Variants in STAT1 observed in about 807,000 individuals in gnomAD.
The protein encoded by STAT1 is signal transducer and activator of transcription 1.
In STAT1, 24 loss-of-function variants were observed where a neutral mutation model predicts 111.7. That is an observed-to-expected ratio of 0.21 (90% CI 0.16 to 0.30). The LOEUF (loss-of-function observed/expected upper bound fraction) is 0.30. STAT1 is among the 10% of genes least tolerant of loss of function. STAT1 has a pLI of 1.00. For missense variants in STAT1, 351 were observed against 911.9 expected (o/e 0.38, Z 7.92); for synonymous variants, 332 against 326.5 (o/e 1.02, Z -0.18).
At chr2:190,988,685 C>G (rs1322202935) in intron 12 of STAT1, among the ~76,000 whole-genome samples, 1 of 152,104 alleles carries the variant, frequency 6.6e-6, no homozygotes, top group Non-Finnish European at 1.5e-5. Flanking sequence ...GGCCTAGCCA[C>G]TAAGTTTTGG....
Position 190,975,073 on chromosome 2 carries a change from A to C in STAT1, c.2136-141T>G. On this transcript the variant is annotated intron_variant, in intron 23 of 24. Transcript: ENST00000361099. The surrounding 1 kb of genome is among the most constrained non-coding windows in gnomAD (Gnocchi z 5.9). ...TTGGGTAAGTGCATACACTTGTAAA[A>C]TACATTTGCAAAAGTACAGCTCATG... 1.3e-6 allele frequency: 1 copy of C among 767,490 alleles called. No individual in the cohort carries two copies. The highest frequency in any genetic ancestry group is 1.7e-5 in the African/African-American group (1 of 57,966). 47.5% of individuals were successfully genotyped at this position (767,490 alleles called of 1,614,324 possible).
Position 190,986,553 on chromosome 2 carries a change from G to C in STAT1, c.1221+301C>G, listed in dbSNP as rs1285630752. Among the ~76,000 whole-genome samples, 1 of 152,228 alleles carries C rather than the reference G, an allele frequency of 6.6e-6. No individual in the cohort carries two copies. The highest frequency in any genetic ancestry group is 1.5e-5 in the Non-Finnish European group (1 of 68,032). Reference sequence around the variant, plus strand: ...GCCATAACCTTTGAGAAAACTGCAAGCGTAGGTGAGTGACCGTGGGGATCA... The same window carrying C: ...GCCATAACCTTTGAGAAAACTGCAACCGTAGGTGAGTGACCGTGGGGATCA... On this transcript the variant is annotated intron_variant, in intron 14 of 24. Transcript: ENST00000361099. The surrounding 1 kb of genome is among the most constrained non-coding windows in gnomAD (Gnocchi z 5.0).
rs1028846600 is a variant in STAT1 at position 191,000,321 on chromosome 2, T to C, written c.463-617A>G. On this transcript the variant is annotated intron_variant, in intron 6 of 24. Transcript: ENST00000361099. This position sits in a 1 kb window ranked among gnomAD's most constrained non-coding sequence, Gnocchi z 4.8. ...TGGGCTCACTCGGTTTCTACTTTAA[T>C]GAAATGTTTCCCTAGGAGACCGCAA... 1.3e-5 allele frequency among the ~76,000 whole-genome samples: 2 copies of C among 152,224 alleles called. No homozygotes were observed. Among genetic ancestry groups the C allele is most frequent in the Non-Finnish European group, 2.9e-5 (2 of 68,044 alleles).
At position 190,978,693 on chromosome 2, in the gene STAT1, T is replaced by C. The variant is rs1204324294; in HGVS notation, c.1873+163A>G. ...AGAGAGTGAACCACAACCACAAACA[T>C]TTGTGGTGGTTTATTAAATCCTATC... On this transcript the variant is annotated intron_variant, in intron 21 of 24. Coordinates refer to ENST00000361099, the MANE Select transcript of STAT1 (RefSeq NM_007315.4). This position sits in a 1 kb window ranked among gnomAD's most constrained non-coding sequence, Gnocchi z 6.1. 1.2e-6 allele frequency: 1 copy of C among 852,464 alleles called. No homozygotes were observed. Among genetic ancestry groups the C allele is most frequent in the Admixed American group, 2.1e-5 (1 of 48,702 alleles). 52.8% of individuals were successfully genotyped at this position (852,464 alleles called of 1,614,324 possible).
chr2:190,976,690 T>C lies in STAT1; in HGVS notation c.2059+150A>G, dbSNP rs1691929707. 1 of 692,698 alleles carries C rather than the reference T, an allele frequency of 1.4e-6. No individual in the cohort carries two copies. The allele number at this position is 692,698 out of a possible 1,614,324, so 42.9% of individuals were successfully genotyped here. A position where few individuals can be genotyped will look rare whatever the true frequency, so the allele number is the denominator to read the frequency against. ...CTGTATCAGGCCAAATAATGCATTATGTTTCACCTGCACTGAGTTTATGCC... is the reference window on the plus strand; with the variant it reads ...CTGTATCAGGCCAAATAATGCATTACGTTTCACCTGCACTGAGTTTATGCC... On this transcript the variant is annotated intron_variant, in intron 22 of 24. Coordinates refer to ENST00000361099, the MANE Select transcript of STAT1 (RefSeq NM_007315.4). This position sits in a 1 kb window ranked among gnomAD's most constrained non-coding sequence, Gnocchi z 6.0.
Position 190,993,419 on chromosome 2 carries a change from A to AT in STAT1, c.944+1641dup. ...TTTCCCGTCTAACTCTATAGTTCTT[A>AT]TTTTGAAATCCATACCAATTGTGCT... On this transcript the variant is annotated intron_variant, in intron 10 of 24. Coordinates refer to ENST00000361099, the MANE Select transcript of STAT1 (RefSeq NM_007315.4). This position sits in a 1 kb window ranked among gnomAD's most constrained non-coding sequence, Gnocchi z 4.1. The AT allele has an allele frequency of 2.1e-6, 3 of 1,399,788 alleles. No individual in the cohort carries two copies. The East Asian group carries it at 7.1e-5, about 33-fold the overall frequency. 86.7% of individuals were successfully genotyped at this position (1,399,788 alleles called of 1,614,324 possible).
At chr2:191,002,410 G>C (rs969517181) in intron 5 of STAT1, among the ~76,000 whole-genome samples, 5 of 152,094 alleles carry the variant, frequency 3.3e-5, no homozygotes, top group African/African-American at 1.2e-4. Context: ...AAGGATGTTT[G>C]ACTATAGAGG....
Position 191,007,459 on chromosome 2 carries a change from T to TA in STAT1, c.372+103dup, listed in dbSNP as rs1694792793. ...CTCCCACTTCTTGGGGCTATAAAAT[T>TA]AGAGAGATATTCATCATTGCTTTGA... On this transcript the variant is annotated intron_variant, in intron 5 of 24. Transcript: ENST00000361099. This position sits in a 1 kb window ranked among gnomAD's most constrained non-coding sequence, Gnocchi z 4.2. 2.3e-6 allele frequency: 2 copies of TA among 852,446 alleles called. No individual in the cohort carries two copies. Among genetic ancestry groups the TA allele is most frequent in the Non-Finnish European group, 3.8e-6 (2 of 522,732 alleles). 52.8% of individuals were successfully genotyped at this position (852,446 alleles called of 1,614,324 possible). A position where few individuals can be genotyped will look rare whatever the true frequency, so the allele number is the denominator to read the frequency against.
chr2:190,995,504 C>T lies in STAT1; in HGVS notation c.786-285G>A, dbSNP rs41348952. 0.087 allele frequency among the ~76,000 whole-genome samples: 13,299 copies of T among 152,170 alleles called. 731 individuals carry two copies. Among genetic ancestry groups the T allele is most frequent in the East Asian group, 0.16 (814 of 5,156 alleles). ...TCCCACTTATAAAACCATCAGATCT[C>T]GTGAGACTTACTCACTACCATGAGA... On this transcript the variant is annotated intron_variant, in intron 9 of 24. Transcript: ENST00000361099. This position sits in a 1 kb window ranked among gnomAD's most constrained non-coding sequence, Gnocchi z 4.2.
rs953468948 is a variant in STAT1, at chr2:190,996,379, G to C, written c.786-1160C>G. On this transcript the variant is annotated intron_variant, in intron 9 of 24. Transcript: ENST00000361099. This position sits in a 1 kb window ranked among gnomAD's most constrained non-coding sequence, Gnocchi z 4.5. The stretch of plus-strand genomic sequence containing the variant: ...CAAAGCCCTGGGACAGCAGCCCTTC[G>C]TCAGGAAAGGAGAAGGCAGGATAAC... Among the ~76,000 whole-genome samples the C allele has an allele frequency of 2.6e-5, 4 of 152,186 alleles. No homozygotes were observed. The highest frequency in any genetic ancestry group is 6.3e-3 in the Middle Eastern group (2 of 316).
intron 10 of STAT1, chr2:190,992,793 C>A: frequency 2.7e-6 from 1 of 376,052 alleles, no homozygotes; most frequent in Non-Finnish European, 4.3e-6. Context: ...TGCATTCTTT[C>A]TTTTTTTTTT....
chr2:190,994,721 G>A (rs907498118), intron 10 of STAT1, among the ~76,000 whole-genome samples: 1 of 151,816 alleles, frequency 6.6e-6, no homozygotes, highest in Non-Finnish European at 1.5e-5. Context: ...AGGAGTTGGA[G>A]ACCAGCCTGG....
rs1302822397 is a variant in STAT1, at chr2:190,973,185, A to T, written c.2238+1645T>A. 2.6e-5 allele frequency among the ~76,000 whole-genome samples: 4 copies of T among 152,164 alleles called. No homozygotes were observed. The highest frequency in any genetic ancestry group is 9.7e-5 in the African/African-American group (4 of 41,416). On this transcript the variant is annotated intron_variant, in intron 24 of 24. Transcript: ENST00000361099. The surrounding 1 kb of genome is among the most constrained non-coding windows in gnomAD (Gnocchi z 4.4). The stretch of plus-strand genomic sequence containing the variant: ...AGAATAAACCCAATCCTGTACAAAC[A>T]GCTTCTTCAGGGTGCATGTTTTGAA...
Position 190,975,642 on chromosome 2 carries a change from A to T in STAT1, c.2135+170T>A, listed in dbSNP as rs898814962. The T allele has an allele frequency of 3.7e-4, 469 of 1,276,218 alleles. No homozygotes were observed. The highest frequency in any genetic ancestry group is 1.5e-3 in the Middle Eastern group (5 of 3,388). The allele number at this position is 1,276,218 out of a possible 1,614,324, so 79.1% of individuals were successfully genotyped here. On this transcript the variant is annotated intron_variant, in intron 23 of 24. Transcript: ENST00000361099. This position sits in a 1 kb window ranked among gnomAD's most constrained non-coding sequence, Gnocchi z 5.9. The stretch of plus-strand genomic sequence containing the variant: ...GGTTTTTGGCTTTTTTTTTTTTTTT[A>T]AAGTAGTAAAATGCTGATAGGCAGT...
At position 191,012,541 on chromosome 2, in the gene STAT1, C is replaced by A. The variant is rs577013855; in HGVS notation, c.-2+984G>T. ...CATCTCCCAGTCACTGAGCTCAAAT[C>A]TCAGATTTAGGGTTGATTCCTTCCA... On this transcript the variant is annotated intron_variant, in intron 2 of 24. Transcript: ENST00000361099. The surrounding 1 kb of genome is among the most constrained non-coding windows in gnomAD (Gnocchi z 4.0). Among the ~76,000 whole-genome samples, 1 of 152,260 alleles carries A rather than the reference C, an allele frequency of 6.6e-6. No individual in the cohort carries two copies. Among genetic ancestry groups the A allele is most frequent in the African/African-American group, 2.4e-5 (1 of 41,550 alleles).
In STAT1 at chr2:190,997,803, T is replaced by C; in HGVS notation, c.785+53A>G. 1.9e-6 allele frequency: 3 copies of C among 1,612,504 alleles called. No homozygotes were observed. The highest frequency in any genetic ancestry group is 1.1e-5 in the South Asian group (1 of 91,062). ...AACACAGCTCAAAGGTACATTTATG[T>C]GTTTATGTGGTTAGCCAGTCAGCTG... On this transcript the variant is annotated intron_variant, in intron 9 of 24. Transcript: ENST00000361099. This position sits in a 1 kb window ranked among gnomAD's most constrained non-coding sequence, Gnocchi z 7.3.
chr2:190,995,035 G>A lies in STAT1; in HGVS notation c.944+26C>T, dbSNP rs758996936. 1.6e-5 allele frequency: 25 copies of A among 1,609,248 alleles called. No homozygotes were observed. The South Asian group carries it at 2.0e-4, about 13-fold the overall frequency. On this transcript the variant is annotated intron_variant, in intron 10 of 24. Coordinates refer to ENST00000361099, the MANE Select transcript of STAT1 (RefSeq NM_007315.4). This position sits in a 1 kb window ranked among gnomAD's most constrained non-coding sequence, Gnocchi z 4.2. ...CCTCTGTATAGACCGATTACAGAAGGTACAAATAAATGTCCCTTGAGTTAC... is the reference window on the plus strand; with the variant it reads ...CCTCTGTATAGACCGATTACAGAAGATACAAATAAATGTCCCTTGAGTTAC...
Position 190,975,014 on chromosome 2 carries a change from G to T in STAT1, c.2136-82C>A. 1 of 1,038,620 alleles carries T rather than the reference G, an allele frequency of 9.6e-7. No homozygotes were observed. The highest frequency in any genetic ancestry group is 1.5e-6 in the Non-Finnish European group (1 of 672,466). The allele number at this position is 1,038,620 out of a possible 1,614,324, so 64.3% of individuals were successfully genotyped here. A position where few individuals can be genotyped will look rare whatever the true frequency, so the allele number is the denominator to read the frequency against. Reference sequence around the variant, plus strand: ...TGCATACTTACACACTTTATCTTTTGTCTGTAATTGAATTATCACGTTATA... The same window carrying T: ...TGCATACTTACACACTTTATCTTTTTTCTGTAATTGAATTATCACGTTATA... On this transcript the variant is annotated intron_variant, in intron 23 of 24. Transcript: ENST00000361099. This position sits in a 1 kb window ranked among gnomAD's most constrained non-coding sequence, Gnocchi z 5.9.
In STAT1 at chr2:190,986,972, T is replaced by C. The variant is rs1452691220; in HGVS notation, c.1128-25A>G. The C allele has an allele frequency of 4.3e-6, 7 of 1,612,930 alleles. No individual in the cohort carries two copies. Among genetic ancestry groups the C allele is most frequent in the Admixed American group, 3.3e-5 (2 of 60,026 alleles). ...TCTATACAATATAGGAAAGAAATGC[T>C]GAAAAGTCTTCCAACTATTAAATAA... On this transcript the variant is annotated intron_variant, in intron 13 of 24. Coordinates refer to ENST00000361099, the MANE Select transcript of STAT1 (RefSeq NM_007315.4). This position sits in a 1 kb window ranked among gnomAD's most constrained non-coding sequence, Gnocchi z 5.0.
Sources: gnomAD v4.1 joint callset for allele counts (sites outside exome capture counted in the v4.1 genomes callset) on GRCh38, gnomAD v4.1.1 for gene constraint, Gnocchi (gnomAD v3.1) non-coding constraint, MANE v1.5 for transcripts, NCBI Gene and HGNC (gene_info 2026-07-23, HGNC 2026-07-21) for gene names.